Variants in DNER observed in about 807,000 individuals in gnomAD.
DNER encodes delta and Notch-like epidermal growth factor-related receptor.
A neutral mutation model predicts 78.2 loss-of-function variants in DNER; 33 were observed. The ratio of observed to expected loss-of-function variants is 0.42; its 90% confidence interval spans 0.32 to 0.56. The LOEUF is 0.56. DNER is among the 20% of genes least tolerant of loss of function. The probability of loss-of-function intolerance (pLI) is 0.11; values close to 1 mark genes in which losing one functional copy is unlikely to be tolerated. For synonymous variants in DNER, 417 were observed against 384.8 expected (o/e 1.08, Z -0.98); for missense variants, 918 against 975.3 (o/e 0.94, Z 0.78).
At chr2:229,448,958 C>A (rs1167487487) in intron 7 of DNER, among the ~76,000 whole-genome samples, 5 of 152,046 alleles carry the variant, frequency 3.3e-5, no homozygotes, top group Non-Finnish European at 7.4e-5. Context: ...TGTAAACAAA[C>A]CAAAATAACT....
At chr2:229,385,915 A>C (rs1692854013) in intron 11 of DNER, among the ~76,000 whole-genome samples, 1 of 152,124 alleles carries the variant, frequency 6.6e-6, no homozygotes, top group Non-Finnish European at 1.5e-5. Context: ...TTACACGTTC[A>C]ATGCTATCCC....
At chr2:229,554,141 G>T (rs775288330) in intron 4 of DNER, among the ~76,000 whole-genome samples, 25 of 152,166 alleles carry the variant, frequency 1.6e-4, no homozygotes, top group Non-Finnish European at 2.8e-4. Context: ...CAGGCAATGG[G>T]ACAATATAGT....
At chr2:229,582,343 T>G (rs546399476) in intron 4 of DNER, among the ~76,000 whole-genome samples, 3 of 152,110 alleles carry the variant, frequency 2.0e-5, no homozygotes, top group Non-Finnish European at 4.4e-5. Context: ...CAGCTGGCGG[T>G]GTGGAGGTGG....
intron 1 of DNER, among the ~76,000 whole-genome samples, chr2:229,652,085 A>C (rs1698829376): frequency 6.6e-6 from 1 of 152,250 alleles, no homozygotes; most frequent in Non-Finnish European, 1.5e-5. Context: ...AGATTTACTT[A>C]ATGATAGAAT....
intron 1 of DNER, among the ~76,000 whole-genome samples, chr2:229,637,232 T>C (rs191434268): frequency 1.3e-5 from 2 of 152,182 alleles, no homozygotes; most frequent in Non-Finnish European, 2.9e-5. Context: ...CCCAACCCCA[T>C]CAGTTTAGAA....
rs1256683453 is a variant in DNER, at chr2:229,546,451, T to A, written c.993+496A>T. ...TCTTCTAATAGTTAAATTTTATCTA[T>A]CAGGCTGGGCACAGTGGCTCATGCC... On this transcript the variant is annotated intron_variant, in intron 5 of 12. Coordinates refer to ENST00000341772, the MANE Select transcript of DNER (RefSeq NM_139072.4). Among the ~76,000 whole-genome samples the A allele has an allele frequency of 2.0e-5, 3 of 152,222 alleles. No homozygotes were observed. The East Asian group carries it at 5.8e-4, about 29-fold the overall frequency.
At chr2:229,513,372 T>C (rs1695910888) in intron 5 of DNER, among the ~76,000 whole-genome samples, 2 of 152,194 alleles carry the variant, frequency 1.3e-5, no homozygotes, top group Non-Finnish European at 2.9e-5. Flanking sequence ...ACCCAGACCG[T>C]CCTTTCAGAA....
chr2:229,700,130 A>G (rs1044379799), intron 1 of DNER, among the ~76,000 whole-genome samples: 1 of 152,122 alleles, frequency 6.6e-6, no homozygotes, highest in African/African-American at 2.4e-5. Flanking sequence ...CCAATTAAAT[A>G]TCATGTTTTA....
chr2:229,592,019 C>A, intron 1 of DNER, 131 bp from the exon 2 acceptor site: 1 of 1,227,838 alleles, frequency 8.1e-7, no homozygotes, highest in South Asian at 1.6e-5. Flanking sequence ...CACTCCTTAA[C>A]TACTTGTGCT....
intron 7 of DNER, among the ~76,000 whole-genome samples, chr2:229,451,510 G>A (rs1574849102): frequency 6.6e-6 from 1 of 152,058 alleles, no homozygotes; most frequent in Non-Finnish European, 1.5e-5. Flanking sequence ...ATCCACTGGA[G>A]GCTGATTTGC....
chr2:229,512,112 G>T (rs1219723168), intron 6 of DNER, among the ~76,000 whole-genome samples: 1 of 152,222 alleles, frequency 6.6e-6, no homozygotes, highest in African/African-American at 2.4e-5. Flanking sequence ...GCTGGGCAAA[G>T]TGTCTTATGC....
chr2:229,565,453 G>T (rs1363933714), intron 4 of DNER, among the ~76,000 whole-genome samples: 2 of 152,060 alleles, frequency 1.3e-5, no homozygotes, highest in Non-Finnish European at 2.9e-5. Context: ...TTGGCTCTAG[G>T]CATTACTTAA....
intron 1 of DNER, among the ~76,000 whole-genome samples, chr2:229,711,280 G>A (rs1049007758): frequency 6.6e-6 from 1 of 152,074 alleles, no homozygotes; most frequent in African/African-American, 2.4e-5. Context: ...GGAGAGGTGA[G>A]GCTTTAAAGC....
chr2:229,595,980 C>T (rs1258262113), intron 1 of DNER, among the ~76,000 whole-genome samples: 2 of 138,740 alleles, frequency 1.4e-5, no homozygotes, highest in African/African-American at 5.0e-5. Flanking sequence ...ACCCTTCTTT[C>T]CTTGCTTTTT....
At chr2:229,397,517 G>GGA (rs1017202833) in intron 10 of DNER, among the ~76,000 whole-genome samples, 21 of 145,706 alleles carry the variant, frequency 1.4e-4, no homozygotes, top group African/African-American at 4.7e-4. Flanking sequence ...AAGGCCGAGT[G>GGA]GAGAGCATGG....
chr2:229,438,373 A>G (rs1419320393), intron 8 of DNER, among the ~76,000 whole-genome samples: 1 of 152,236 alleles, frequency 6.6e-6, no homozygotes, highest in Non-Finnish European at 1.5e-5. Context: ...TTCAAACATA[A>G]GTGAGAGCCC....
At chr2:229,521,706 T>C (rs1696102033) in intron 5 of DNER, among the ~76,000 whole-genome samples, 1 of 152,178 alleles carries the variant, frequency 6.6e-6, no homozygotes, top group African/African-American at 2.4e-5. Context: ...TTTAAGAGAC[T>C]ACCTGAGAAT....
At chr2:229,479,135 G>T (rs528597788) in intron 6 of DNER, among the ~76,000 whole-genome samples, 15 of 152,166 alleles carry the variant, frequency 9.9e-5, no homozygotes, top group Non-Finnish European at 1.8e-4. Context: ...TCCCTGCAAA[G>T]GACATGATCG....
rs192854821 is a variant in DNER, at chr2:229,481,687, A to C, written c.1148-4434T>G. Reference sequence around the variant, plus strand: ...TCTTGGCCTGGGTTTTCTTTCTTCCATCCTGCTAAAAGTCAAACTCTTCTC... The same window carrying C: ...TCTTGGCCTGGGTTTTCTTTCTTCCCTCCTGCTAAAAGTCAAACTCTTCTC... On this transcript the variant is annotated intron_variant, in intron 6 of 12. Coordinates refer to ENST00000341772, the MANE Select transcript of DNER (RefSeq NM_139072.4). Among the ~76,000 whole-genome samples, 21 of 152,332 alleles carry C rather than the reference A, an allele frequency of 1.4e-4. No individual in the cohort carries two copies. The East Asian group carries it at 4.1e-3, about 29-fold the overall frequency.
Sources: allele counts gnomAD v4.1 joint callset (sites outside exome capture counted in the v4.1 genomes callset), GRCh38; gene constraint gnomAD v4.1.1; transcripts MANE v1.5; gene names NCBI Gene and HGNC (gene_info 2026-07-23, HGNC 2026-07-21).